SHC2: variants seen among roughly 807,000 people sequenced by gnomAD.
SHC2 encodes the protein SHC adaptor protein 2.
A neutral mutation model predicts 60.6 loss-of-function variants in SHC2; 62 were observed. The ratio of observed to expected loss-of-function variants is 1.02; its 90% confidence interval spans 0.83 to 1.26. The LOEUF is 1.26. Ranked by LOEUF, SHC2 falls within the 50% of genes most tolerant of loss-of-function variation. The probability of loss-of-function intolerance (pLI) is 0.00; values close to 1 mark genes in which losing one functional copy is unlikely to be tolerated. For synonymous variants in SHC2, 375 were observed against 372.4 expected, an observed-to-expected ratio of 1.01 and a Z score of -0.08; for missense variants, 873 against 822.2, an observed-to-expected ratio of 1.06 and a Z score of -0.76.
intron 1 of SHC2, among the ~76,000 whole-genome samples, chr19:460,117 T>C (rs1460282776): frequency 2.6e-5 from 4 of 152,304 alleles, no homozygotes; most frequent in Non-Finnish European, 5.9e-5. Context: ...CGCCAGCCCC[T>C]TTCCAAACAC....
chr19:424,975 G>A lies in SHC2; in HGVS notation c.1309+122C>T, dbSNP rs1974372944. ...CCCGTCGACTTGAAGGATCTCACGGGGAGAAGGGAGCCTCCCCCATCAGAC... is the reference window on the plus strand; with the variant it reads ...CCCGTCGACTTGAAGGATCTCACGGAGAGAAGGGAGCCTCCCCCATCAGAC... On this transcript the variant is annotated intron_variant, in intron 10 of 12. Coordinates refer to ENST00000264554, the MANE Select transcript of SHC2 (RefSeq NM_012435.3). This position sits in a 1 kb window ranked among gnomAD's most constrained non-coding sequence, Gnocchi z 4.5. 1 of 1,105,984 alleles carries A rather than the reference G, an allele frequency of 9.0e-7. No homozygotes were observed. Among genetic ancestry groups the A allele is most frequent in the East Asian group, 2.9e-5 (1 of 34,674 alleles). 68.5% of individuals were successfully genotyped at this position (1,105,984 alleles called of 1,614,324 possible). A position where few individuals can be genotyped will look rare whatever the true frequency, so the allele number is the denominator to read the frequency against.
rs1476744446 is a variant in SHC2 at position 446,016 on chromosome 19, C to G, written c.469-5084G>C. 6.6e-6 allele frequency among the ~76,000 whole-genome samples: 1 copy of G among 151,780 alleles called. No homozygotes were observed. The highest frequency in any genetic ancestry group is 1.9e-4 in the East Asian group (1 of 5,156). On this transcript the variant is annotated intron_variant, in intron 1 of 12. Coordinates refer to ENST00000264554, the MANE Select transcript of SHC2 (RefSeq NM_012435.3). The surrounding 1 kb of genome is among the most constrained non-coding windows in gnomAD (Gnocchi z 5.4). ...GCTGCAGAGAGCCAAGATCACGCCA[C>G]TGCACTCGAGCCTGGGTGACAGAGG...
At position 425,275 on chromosome 19, in the gene SHC2, C is replaced by T. The variant is rs990600621; in HGVS notation, c.1175-44G>A. The stretch of plus-strand genomic sequence containing the variant: ...GGCAGGGGGTCAGCTGGGAGCCAGG[C>T]GAGGGGCTCGCAGGGAGCAAGGCGG... On this transcript the variant is annotated intron_variant, in intron 9 of 12. Coordinates refer to ENST00000264554, the MANE Select transcript of SHC2 (RefSeq NM_012435.3). This position sits in a 1 kb window ranked among gnomAD's most constrained non-coding sequence, Gnocchi z 4.1. 5 of 1,304,852 alleles carry T rather than the reference C, an allele frequency of 3.8e-6. No individual in the cohort carries two copies. The highest frequency in any genetic ancestry group is 3.0e-5 in the African/African-American group (2 of 66,212). 80.8% of individuals were successfully genotyped at this position (1,304,852 alleles called of 1,614,324 possible).
Position 416,796 on chromosome 19 carries a change from G to C in SHC2, c.*532C>G, listed in dbSNP as rs1316325840. ...CAGCCTGGCTACCCCGAGATCCCAG[G>C]TGACCTCAAGGCTGCCTGCACTTCA... On this transcript the variant is annotated 3_prime_UTR_variant, in exon 13 of 13. Coordinates refer to ENST00000264554, the MANE Select transcript of SHC2 (RefSeq NM_012435.3). 4 of 152,246 alleles carry C rather than the reference G, an allele frequency of 2.6e-5. No homozygotes were observed. Among genetic ancestry groups the C allele is most frequent in the Non-Finnish European group, 5.9e-5 (4 of 68,082 alleles). 9.4% of individuals were successfully genotyped at this position (152,246 alleles called of 1,614,324 possible). A position where few individuals can be genotyped will look rare whatever the true frequency, so the allele number is the denominator to read the frequency against.
intron 1 of SHC2, among the ~76,000 whole-genome samples, chr19:450,196 C>T (rs1209891036): frequency 6.6e-6 from 1 of 152,218 alleles, no homozygotes; most frequent in East Asian, 1.9e-4. Context: ...CTCACAATGA[C>T]ACCGAACTGT....
In SHC2 at chr19:424,847, G is replaced by C. The variant is rs1224842801; in HGVS notation, c.1309+250C>G. On this transcript the variant is annotated intron_variant, in intron 10 of 12. Coordinates refer to ENST00000264554, the MANE Select transcript of SHC2 (RefSeq NM_012435.3). This position sits in a 1 kb window ranked among gnomAD's most constrained non-coding sequence, Gnocchi z 4.5. The stretch of plus-strand genomic sequence containing the variant: ...ACTGCTCGGCCGCATTCGCTAGAGA[G>C]AATGGGCCTCCCCTGTCAGACTGGC... 7.2e-5 allele frequency among the ~76,000 whole-genome samples: 11 copies of C among 152,196 alleles called. No homozygotes were observed. The highest frequency in any genetic ancestry group is 1.5e-5 in the Non-Finnish European group (1 of 68,028).
At position 425,561 on chromosome 19, in the gene SHC2, C is replaced by T. The variant is rs910845373; in HGVS notation, c.1175-330G>A. Among the ~76,000 whole-genome samples, 2 of 152,228 alleles carry T rather than the reference C, an allele frequency of 1.3e-5. No homozygotes were observed. The highest frequency in any genetic ancestry group is 2.9e-5 in the Non-Finnish European group (2 of 68,044). On this transcript the variant is annotated intron_variant, in intron 9 of 12. Coordinates refer to ENST00000264554, the MANE Select transcript of SHC2 (RefSeq NM_012435.3). The surrounding 1 kb of genome is among the most constrained non-coding windows in gnomAD (Gnocchi z 4.1). Reference sequence around the variant, plus strand: ...CCCTGGCCCTCCCCGGCCCAGGGTCCAGAGCTTCCCAGTGCGTGTATGTTC... The same window carrying T: ...CCCTGGCCCTCCCCGGCCCAGGGTCTAGAGCTTCCCAGTGCGTGTATGTTC...
At chr19:419,897 T>C (rs915683362) in intron 11 of SHC2, 3 of 151,386 alleles carry the variant, frequency 2.0e-5, no homozygotes, top group African/African-American at 4.9e-5. Flanking sequence ...CCTGTGCACA[T>C]TTCACGTGGG....
chr19:443,921 G>A (rs377483420), intron 1 of SHC2, among the ~76,000 whole-genome samples: 35 of 135,652 alleles, frequency 2.6e-4, no homozygotes, highest in East Asian at 1.0e-3. Flanking sequence ...TGGGTGGATG[G>A]ATGGATGGAT....
chr19:434,421 AGT>A (rs1414589102), intron 8 of SHC2, among the ~76,000 whole-genome samples: 3 of 2,372 alleles, frequency 1.3e-3, no homozygotes, highest in African/African-American at 7.5e-3. Context: ...TGAGATAGTG[AGT>A]GAGACTGAGT....
chr19:418,368 C>T (rs1974199785), intron 12 of SHC2, among the ~76,000 whole-genome samples: 2 of 152,262 alleles, frequency 1.3e-5, no homozygotes. Context: ...CGCTGCCACC[C>T]TCGGGCACAT....
chr19:456,735 C>T (rs1263944043), intron 1 of SHC2, among the ~76,000 whole-genome samples: 1 of 151,774 alleles, frequency 6.6e-6, no homozygotes, highest in Admixed American at 6.6e-5. Context: ...GCAAACTCCA[C>T]CGCGTCAGGC....
chr19:431,118 T>C (rs1189709600), intron 8 of SHC2, among the ~76,000 whole-genome samples: 1 of 152,238 alleles, frequency 6.6e-6, no homozygotes, highest in Non-Finnish European at 1.5e-5. Flanking sequence ...CCCTACAGAG[T>C]GTATGTCCCC....
At chr19:421,529 T>C (rs960447855) in intron 11 of SHC2, among the ~76,000 whole-genome samples, 1 of 152,072 alleles carries the variant, frequency 6.6e-6, no homozygotes, top group Non-Finnish European at 1.5e-5. Context: ...AATTGAGACA[T>C]ACTTTGTACA....
rs1476997533 is a variant in SHC2 at position 453,761 on chromosome 19, C to T, written c.468+6768G>A. 6.6e-6 allele frequency among the ~76,000 whole-genome samples: 1 copy of T among 152,158 alleles called. No homozygotes were observed. The highest frequency in any genetic ancestry group is 2.4e-5 in the African/African-American group (1 of 41,446). On this transcript the variant is annotated intron_variant, in intron 1 of 12. Transcript: ENST00000264554. The surrounding 1 kb of genome is among the most constrained non-coding windows in gnomAD (Gnocchi z 6.3). ...CAGGAAGGATGAAGTGTCATTTTGCCGACCGTGTCCCAGTTTGCGTCCATC... is the reference window on the plus strand; with the variant it reads ...CAGGAAGGATGAAGTGTCATTTTGCTGACCGTGTCCCAGTTTGCGTCCATC...
At position 422,203 on chromosome 19, in the gene SHC2, G is replaced by A. The variant is rs367802848; in HGVS notation, c.1563C>T (p.Leu521=). Residue 521 remains leucine, a synonymous_variant, in exon 11 of 13, where the codon CTC becomes CTT. Coordinates refer to ENST00000264554, the MANE Select transcript of SHC2 (RefSeq NM_012435.3). This position sits in a 1 kb window ranked among gnomAD's most constrained non-coding sequence, Gnocchi z 5.0. ...DSVTNPGQYV[L]TGMHAGQPKH... ...TGGGCTGCCCGGCGTGCATGCCGGT[G>A]AGGACATACTGCCCGGGGTTGGTGA... The A allele has an allele frequency of 1.1e-5, 18 of 1,612,530 alleles. No homozygotes were observed. The highest frequency in any genetic ancestry group is 1.4e-5 in the Non-Finnish European group (16 of 1,179,700).
At position 446,377 on chromosome 19, in the gene SHC2, C is replaced by T. The variant is rs1052499106; in HGVS notation, c.469-5445G>A. Among the ~76,000 whole-genome samples, 6 of 152,120 alleles carry T rather than the reference C, an allele frequency of 3.9e-5. No individual in the cohort carries two copies. The highest frequency in any genetic ancestry group is 2.0e-4 in the Admixed American group (3 of 15,278). On this transcript the variant is annotated intron_variant, in intron 1 of 12. Transcript: ENST00000264554. The surrounding 1 kb of genome is among the most constrained non-coding windows in gnomAD (Gnocchi z 5.4). ...CCAGGCTGGAGTGCGGTGGTGCGAT[C>T]ACGACTCACTGCAACTTCCGCCTCC...
intron 1 of SHC2, among the ~76,000 whole-genome samples, chr19:455,900 G>A (rs546005024): frequency 4.6e-5 from 7 of 152,078 alleles, no homozygotes; most frequent in East Asian, 3.9e-4. Context: ...TTGCTCACTC[G>A]GTCCCACCTG....
intron 1 of SHC2, among the ~76,000 whole-genome samples, chr19:457,109 T>A (rs377318651): frequency 8.4e-5 from 12 of 142,640 alleles, no homozygotes; most frequent in Admixed American, 2.1e-4. Context: ...CCTTTGCACC[T>A]GCACCTGCTG....
Sources: allele counts gnomAD v4.1 joint callset (sites outside exome capture counted in the v4.1 genomes callset), GRCh38; gene constraint gnomAD v4.1.1; non-coding constraint Gnocchi (gnomAD v3.1); transcripts MANE v1.5; gene names NCBI Gene and HGNC (gene_info 2026-07-23, HGNC 2026-07-21).